Variants in MCCC1 observed in about 807,000 individuals in gnomAD.
The protein encoded by MCCC1 is methylcrotonoyl-CoA carboxylase subunit alpha, mitochondrial.
In MCCC1, 64 loss-of-function variants were observed where a neutral mutation model predicts 83.8. That is an observed-to-expected ratio of 0.76 (90% confidence interval 0.62 to 0.94). The LOEUF (loss-of-function observed/expected upper bound fraction) is 0.94. MCCC1 is among the 40% of genes least tolerant of loss of function. MCCC1 has a pLI of 0.00. For missense variants in MCCC1, 807 were observed against 904.7 expected (o/e 0.89, Z 1.39); for synonymous variants, 322 against 315.4 (o/e 1.02, Z -0.22).
chr3:183,031,532 C>T (rs1473404402), intron 14 of MCCC1, among the ~76,000 whole-genome samples: 2 of 130,686 alleles, frequency 1.5e-5, no homozygotes, highest in Non-Finnish European at 3.1e-5. Context: ...GGGTCCCGCT[C>T]TGTCGCCCAG....
chr3:183,071,082 T>C lies in MCCC1; in HGVS notation c.678A>G (p.Glu226=), dbSNP rs1577328315. 1.2e-6 allele frequency: 2 copies of C among 1,614,244 alleles called. No homozygotes were observed. The highest frequency in any genetic ancestry group is 4.5e-5 in the East Asian group (2 of 44,888). ...RIVRSEQEFQ[E]QLESARREAK... ...CTTCTCTCCGTGCTGACTCTAACTG[T>C]TCTTGAAATTCTTGTTCTGATCTAA... The change falls in exon 7 of 19, where the codon GAA becomes GAG. Residue 226 remains glutamate (E), a synonymous_variant. Coordinates refer to ENST00000265594, the MANE Select transcript of MCCC1 (RefSeq NM_020166.5).
chr3:183,049,963 T>A (rs184465663), intron 9 of MCCC1, among the ~76,000 whole-genome samples: 147 of 152,024 alleles, frequency 9.7e-4, no homozygotes, highest in African/African-American at 3.4e-3. Flanking sequence ...TACTAAAAAA[T>A]TTAAAAATTA....
intron 7 of MCCC1, among the ~76,000 whole-genome samples, chr3:183,058,745 T>C (rs907475455): frequency 1.3e-5 from 2 of 152,230 alleles, no homozygotes; most frequent in Non-Finnish European, 2.9e-5. Context: ...ATAAGGCTAA[T>C]ATGGACTATT....
rs893034981 is a variant in MCCC1 at position 183,035,830 on chromosome 3, C to CT, written c.1594+1387dup. ...TTTTGTATCAATTTAAAGGGCAGAA[C>CT]TTTTTTTTTTTAATACTTTAAGTTC... On this transcript the variant is annotated intron_variant, in intron 13 of 18. Coordinates refer to ENST00000265594, the MANE Select transcript of MCCC1 (RefSeq NM_020166.5). 3.3e-3 allele frequency among the ~76,000 whole-genome samples: 479 copies of CT among 147,224 alleles called. 1 individual carries two copies. Among genetic ancestry groups the CT allele is most frequent in the African/African-American group, 0.011 (435 of 40,312 alleles).
At chr3:183,058,782 G>A (rs1010577638) in intron 7 of MCCC1, among the ~76,000 whole-genome samples, 2 of 152,170 alleles carry the variant, frequency 1.3e-5, no homozygotes, top group Admixed American at 6.5e-5. Flanking sequence ...CTTCTCGGTA[G>A]GTTTGTGATA....
At chr3:183,106,044 G>A (rs1315935071) in intron 1 of MCCC1, among the ~76,000 whole-genome samples, 4 of 132,624 alleles carry the variant, frequency 3.0e-5, no homozygotes, top group African/African-American at 8.3e-5. Context: ...AGCCCAGATC[G>A]CGCCATTACA....
At chr3:183,086,051 G>A (rs58269514) in intron 4 of MCCC1, among the ~76,000 whole-genome samples, 1,704 of 152,288 alleles carry the variant, frequency 0.011, 36 homozygotes, top group African/African-American at 0.039. Context: ...TTATTAAAGG[G>A]TAATTTCAAC....
chr3:183,049,184 G>A (rs534358721), intron 9 of MCCC1, among the ~76,000 whole-genome samples: 1 of 151,856 alleles, frequency 6.6e-6, no homozygotes, highest in Non-Finnish European at 1.5e-5. Flanking sequence ...TAATTAATGA[G>A]AAGAGAACAG....
chr3:183,037,781 G>C (rs1043786501), intron 12 of MCCC1, among the ~76,000 whole-genome samples: 3 of 152,154 alleles, frequency 2.0e-5, no homozygotes, highest in African/African-American at 7.2e-5. Flanking sequence ...TCATTTGCAA[G>C]GTATCGAAGA....
rs112958587 is a variant in MCCC1, at chr3:183,065,730, A to C, written c.761+5269T>G. ...AGTTGTGGAAGGTTTGTAAAAAATT[A>C]ATCTTGTAAAAGAAATTCTGTGTGT... On this transcript the variant is annotated intron_variant, in intron 7 of 18. Coordinates refer to ENST00000265594, the MANE Select transcript of MCCC1 (RefSeq NM_020166.5). Among the ~76,000 whole-genome samples, 1,486 of 152,306 alleles carry C rather than the reference A, an allele frequency of 9.8e-3. 30 individuals are homozygous for C. The highest frequency in any genetic ancestry group is 0.034 in the African/African-American group (1,421 of 41,556).
intron 4 of MCCC1, among the ~76,000 whole-genome samples, chr3:183,075,181 C>T (rs1716977589): frequency 1.3e-5 from 2 of 152,164 alleles, no homozygotes; most frequent in Non-Finnish European, 2.9e-5. Context: ...AACATACATG[C>T]ACATGTGTCT....
chr3:183,101,904 A>T (rs1438472609), upstream of MCCC1, among the ~76,000 whole-genome samples: 2 of 152,138 alleles, frequency 1.3e-5, no homozygotes, highest in African/African-American at 4.8e-5. Flanking sequence ...AAGAGCTGTA[A>T]CACTCACCGC....
chr3:183,111,064 A>G (rs1719485515), intron 1 of MCCC1, among the ~76,000 whole-genome samples: 1 of 152,176 alleles, frequency 6.6e-6, no homozygotes, highest in Admixed American at 6.6e-5. Flanking sequence ...TTACATATGT[A>G]TTATATCATC....
At chr3:183,024,630 A>G (rs201574198) in intron 15 of MCCC1, among the ~76,000 whole-genome samples, 1 of 146,974 alleles carries the variant, frequency 6.8e-6, no homozygotes, top group Non-Finnish European at 1.5e-5. Flanking sequence ...AAAAAAAAAC[A>G]AAACCCCAGA....
intron 8 of MCCC1, among the ~76,000 whole-genome samples, chr3:183,056,532 G>A (rs969428071): frequency 3.9e-5 from 6 of 152,100 alleles, no homozygotes; most frequent in Non-Finnish European, 8.8e-5. Flanking sequence ...GCTGCCAAAC[G>A]AGAGACTCTC....
chr3:183,035,266 G>A (rs962445941), intron 13 of MCCC1, among the ~76,000 whole-genome samples: 4 of 152,278 alleles, frequency 2.6e-5, no homozygotes, highest in African/African-American at 9.6e-5. Context: ...CACATGGGAC[G>A]TATTTAGATG....
rs779418856 is a variant in MCCC1, at chr3:183,052,256, G to A, written c.874-16C>T. On this transcript the variant is annotated splice_polypyrimidine_tract_variant and intron_variant, in intron 8 of 18. Transcript: ENST00000265594. ...TAATACCAGGCTATGAAAAAAATAT[G>A]TAAATAAATCTCCATTAGTAGCTTG... 4.4e-6 allele frequency: 7 copies of A among 1,608,352 alleles called. No individual in the cohort carries two copies. Among genetic ancestry groups the A allele is most frequent in the Non-Finnish European group, 6.0e-6 (7 of 1,175,016 alleles).
chr3:183,110,270 T>C (rs1349949215), intron 1 of MCCC1, among the ~76,000 whole-genome samples: 6 of 152,216 alleles, frequency 3.9e-5, no homozygotes, highest in Non-Finnish European at 7.3e-5. Flanking sequence ...CTGTCGATGT[T>C]TGGTTTTGTT....
intron 16 of MCCC1, among the ~76,000 whole-genome samples, chr3:183,021,269 G>C (rs974902699): frequency 3.3e-5 from 5 of 152,248 alleles, no homozygotes; most frequent in Admixed American, 3.3e-4. Context: ...CTGCCACCCA[G>C]GCTGGAGTGC....
Sources: gnomAD v4.1 joint callset for allele counts (sites outside exome capture counted in the v4.1 genomes callset) on GRCh38, gnomAD v4.1.1 for gene constraint, MANE v1.5 for transcripts, NCBI Gene and HGNC (gene_info 2026-07-23, HGNC 2026-07-21) for gene names.